Variants in NRXN3 observed in about 807,000 individuals in gnomAD.
The protein encoded by NRXN3 is neurexin III.
In NRXN3, 32 loss-of-function variants were observed where a neutral mutation model predicts 137.6. The observed-to-expected ratio is 0.23, with a 90% CI of 0.18 to 0.31. The LOEUF is 0.31. Ranked by LOEUF, NRXN3 falls within the 10% of genes least tolerant of loss-of-function variation. The pLI is 1.00. For missense variants in NRXN3, 1,574 were observed against 2,062.5 expected (o/e 0.76, Z 4.59); for synonymous variants, 798 against 784.5 (o/e 1.02, Z -0.29).
Position 79,684,481 on chromosome 14 carries a change from A to G in NRXN3, c.3617-7692A>G, listed in dbSNP as rs2098686743. 1.3e-5 allele frequency among the ~76,000 whole-genome samples: 2 copies of G among 152,184 alleles called. 1 individual carries two copies. Among genetic ancestry groups the G allele is most frequent in the South Asian group, 4.1e-4 (2 of 4,828 alleles). On this transcript the variant is annotated intron_variant, in intron 17 of 20. Coordinates refer to ENST00000335750, the MANE Select transcript of NRXN3 (RefSeq NM_001330195.2). ...CATTCTTAGGCAAGGGGGTTCAAGG[A>G]TGGTCTAAAATGTCTACAATTTTAT...
At chr14:78,411,692 T>C (rs1314999402) in intron 4 of NRXN3, among the ~76,000 whole-genome samples, 1 of 152,168 alleles carries the variant, frequency 6.6e-6, no homozygotes, top group Non-Finnish European at 1.5e-5. Flanking sequence ...GCCCCCTAAA[T>C]TGCTCATACG....
At chr14:79,824,075 C>A (rs1027951799) in intron 20 of NRXN3, among the ~76,000 whole-genome samples, 5 of 152,174 alleles carry the variant, frequency 3.3e-5, no homozygotes, top group African/African-American at 1.2e-4. Flanking sequence ...CCTTTAACCC[C>A]AGCTTCAGGT....
intron 15 of NRXN3, among the ~76,000 whole-genome samples, chr14:79,350,785 C>A (rs912728127): frequency 2.0e-5 from 3 of 152,266 alleles, no homozygotes; most frequent in African/African-American, 7.2e-5. Flanking sequence ...ATCCATAATC[C>A]TCCAAGCCAT....
chr14:79,268,898 G>A lies in NRXN3; in HGVS notation c.3263-198323G>A, dbSNP rs75937859. 2.6e-5 allele frequency among the ~76,000 whole-genome samples: 4 copies of A among 152,040 alleles called. No individual in the cohort carries two copies. The East Asian group carries it at 7.7e-4, about 29-fold the overall frequency. On this transcript the variant is annotated intron_variant, in intron 15 of 20. Coordinates refer to ENST00000335750, the MANE Select transcript of NRXN3 (RefSeq NM_001330195.2). ...CTTCTGCAGTTTCTAGAATGCCTTT[G>A]TTTAATCACTTCAACCATATTTATT...
At chr14:79,641,682 T>C (rs2153958976) in intron 16 of NRXN3, among the ~76,000 whole-genome samples, 1 of 135,168 alleles carries the variant, frequency 7.4e-6, no homozygotes, top group East Asian at 2.0e-4. Context: ...ATCCAGGGCT[T>C]AGTCTTTCAT....
At chr14:78,709,821 T>A in intron 7 of NRXN3, 166 bp downstream of exon 7, 1 of 633,098 alleles carries the variant, frequency 1.6e-6, no homozygotes, top group Non-Finnish European at 2.7e-6. Context: ...GATACCTGTC[T>A]CATAGATGGC....
In NRXN3 at chr14:78,395,350, G is replaced by T. The variant is rs940793379; in HGVS notation, c.757+97490G>T. Reference sequence around the variant, plus strand: ...AATTTACAACTGTTTACTTGTTTTTGTTGTTGTTGTTGTTTCATTTGGTCT... The same window carrying T: ...AATTTACAACTGTTTACTTGTTTTTTTTGTTGTTGTTGTTTCATTTGGTCT... On this transcript the variant is annotated intron_variant, in intron 4 of 20. Transcript: ENST00000335750. Among the ~76,000 whole-genome samples, 4 of 151,656 alleles carry T rather than the reference G, an allele frequency of 2.6e-5. No homozygotes were observed. In the South Asian group the frequency reaches 8.3e-4, roughly 32 times the overall value.
intron 16 of NRXN3, among the ~76,000 whole-genome samples, chr14:79,632,980 C>T (rs982647174): frequency 6.6e-6 from 1 of 152,086 alleles, no homozygotes; most frequent in African/African-American, 2.4e-5. Context: ...CAATTATATG[C>T]AGCAGATGTT....
chr14:78,905,020 C>T (rs1036527659), intron 10 of NRXN3, among the ~76,000 whole-genome samples: 5 of 152,126 alleles, frequency 3.3e-5, no homozygotes, highest in Non-Finnish European at 7.4e-5. Context: ...TGAACTAACT[C>T]TTTGGCCATG....
chr14:79,043,721 C>T (rs997696099), intron 15 of NRXN3, among the ~76,000 whole-genome samples: 5 of 152,248 alleles, frequency 3.3e-5, no homozygotes, highest in Admixed American at 3.3e-4. Flanking sequence ...TGTACACTGG[C>T]TGCCTTACTT....
At chr14:79,231,150 C>CA (rs1382012883) in intron 15 of NRXN3, among the ~76,000 whole-genome samples, 1 of 152,066 alleles carries the variant, frequency 6.6e-6, no homozygotes, top group Non-Finnish European at 1.5e-5. Context: ...GGGATCATGC[C>CA]ATCGGGCTGT....
At chr14:79,854,109 A>T in intron 20 of NRXN3, 1 of 981,728 alleles carries the variant, frequency 1.0e-6, no homozygotes, top group African/African-American at 1.7e-5. Flanking sequence ...ACAACAAAAA[A>T]AGCAAGTTAC....
At chr14:79,107,478 A>G (rs1448970553) in intron 15 of NRXN3, among the ~76,000 whole-genome samples, 1 of 152,164 alleles carries the variant, frequency 6.6e-6, no homozygotes, top group Non-Finnish European at 1.5e-5. Flanking sequence ...CTATGGAAAC[A>G]TTGGTGGGTT....
chr14:79,744,176 A>G (rs1391216655), intron 19 of NRXN3, among the ~76,000 whole-genome samples: 1 of 152,154 alleles, frequency 6.6e-6, no homozygotes, highest in Admixed American at 6.6e-5. Context: ...TGAGGTGACT[A>G]CTGTTGTTGG....
intron 4 of NRXN3, among the ~76,000 whole-genome samples, chr14:78,371,814 G>A (rs2086886199): frequency 3.3e-5 from 5 of 152,210 alleles, no homozygotes; most frequent in African/African-American, 1.2e-4. Context: ...GAACTATTCT[G>A]TCTCATTTGT....
At chr14:79,575,859 G>A (rs1194117912) in intron 16 of NRXN3, among the ~76,000 whole-genome samples, 1 of 152,068 alleles carries the variant, frequency 6.6e-6, no homozygotes, top group African/African-American at 2.4e-5. Flanking sequence ...AATCCAATTG[G>A]GAAGATATGA....
At chr14:79,133,814 A>T (rs1237534829) in intron 15 of NRXN3, among the ~76,000 whole-genome samples, 2 of 151,960 alleles carry the variant, frequency 1.3e-5, no homozygotes, top group Non-Finnish European at 2.9e-5. Context: ...CTGTAGTCCC[A>T]GCTACTCGGG....
chr14:79,665,320 T>A (rs2098552826), intron 17 of NRXN3, among the ~76,000 whole-genome samples: 1 of 152,122 alleles, frequency 6.6e-6, no homozygotes, highest in South Asian at 2.1e-4. Context: ...GCTCAGCCAT[T>A]GCTAGGGGTC....
At chr14:78,171,621 C>G (rs947776051) in intron 1 of NRXN3, among the ~76,000 whole-genome samples, 1 of 152,036 alleles carries the variant, frequency 6.6e-6, no homozygotes, top group Admixed American at 6.6e-5. Context: ...GAAACATCAT[C>G]CTGATGACAA....
Sources: gnomAD v4.1 joint callset for allele counts (sites outside exome capture counted in the v4.1 genomes callset) on GRCh38, gnomAD v4.1.1 for gene constraint, MANE v1.5 for transcripts, NCBI Gene and HGNC (gene_info 2026-07-23, HGNC 2026-07-21) for gene names.